The following NCOA2 variants were observed in gnomAD, a reference collection of about 807,000 sequenced individuals.
NCOA2 encodes class E basic helix-loop-helix protein 75.
A neutral mutation model predicts 145.1 loss-of-function variants in NCOA2; 21 were observed. That is an observed-to-expected ratio of 0.14 (90% confidence interval 0.10 to 0.21). The LOEUF is 0.21. Ranked by LOEUF, NCOA2 falls within the 10% of genes least tolerant of loss-of-function variation. NCOA2 has a pLI of 1.00. For missense variants in NCOA2, 1,472 were observed against 1,837.6 expected (o/e 0.80, Z 3.64); for synonymous variants, 619 against 637.5 (o/e 0.97, Z 0.44).
At chr8:70,132,593 C>T (rs1365270830) in intron 15 of NCOA2, among the ~76,000 whole-genome samples, 1 of 152,188 alleles carries the variant, frequency 6.6e-6, no homozygotes, top group Non-Finnish European at 1.5e-5. Context: ...GAGACAGGGT[C>T]TCACTTCATT....
intron 1 of NCOA2, among the ~76,000 whole-genome samples, chr8:70,369,400 A>T (rs1316548037): frequency 1.3e-5 from 2 of 152,212 alleles, no homozygotes; most frequent in African/African-American, 4.8e-5. Flanking sequence ...TAAAGTGTAT[A>T]TTCTTTTTAG....
chr8:70,314,730 G>C (rs945402373), intron 1 of NCOA2, among the ~76,000 whole-genome samples: 13 of 152,140 alleles, frequency 8.5e-5, no homozygotes, highest in African/African-American at 2.9e-4. Flanking sequence ...TGCTTTTTTA[G>C]AATATTAAAA....
intron 16 of NCOA2, among the ~76,000 whole-genome samples, 156 bp from the exon 17 acceptor site, chr8:70,129,136 A>G (rs1164143987): frequency 6.6e-6 from 1 of 152,078 alleles, no homozygotes; most frequent in Non-Finnish European, 1.5e-5. Context: ...GCTTGACTCC[A>G]CTTGTCTTTC....
chr8:70,312,642 A>G (rs570928384), intron 1 of NCOA2, among the ~76,000 whole-genome samples: 2 of 152,314 alleles, frequency 1.3e-5, no homozygotes, highest in East Asian at 1.9e-4. Context: ...CAAAATTATT[A>G]TAATTTTTCC....
At chr8:70,205,226 A>G (rs897697999) in intron 4 of NCOA2, among the ~76,000 whole-genome samples, 3 of 152,218 alleles carry the variant, frequency 2.0e-5, no homozygotes, top group Non-Finnish European at 4.4e-5. Flanking sequence ...GCAGTGTTTG[A>G]GATAGGCCTT....
At chr8:70,358,420 A>C (rs1809927802) in intron 1 of NCOA2, among the ~76,000 whole-genome samples, 1 of 152,236 alleles carries the variant, frequency 6.6e-6, no homozygotes, top group Non-Finnish European at 1.5e-5. Flanking sequence ...ACCCATATAA[A>C]AATCAGCGGA....
At chr8:70,159,243 T>TATATATATATATATA (rs869045939) in intron 10 of NCOA2, among the ~76,000 whole-genome samples, 29 of 82,030 alleles carry the variant, frequency 3.5e-4, no homozygotes, top group African/African-American at 8.5e-4. Flanking sequence ...TATATATATA[T>TATATATATATATATA]TTTTTTTTTT....
At chr8:70,201,990 T>C (rs1023939432) in intron 4 of NCOA2, among the ~76,000 whole-genome samples, 4 of 152,198 alleles carry the variant, frequency 2.6e-5, no homozygotes, top group Non-Finnish European at 5.9e-5. Flanking sequence ...GATTATTCAG[T>C]GATAAATATT....
rs59183624 is a variant in NCOA2, at chr8:70,394,585, T to A, written c.-77+9115A>T. ...ACACAAAATAAGTCTCAAAATAGAA[T>A]TACGGAAGTTGAAAATATATTGAGA... On this transcript the variant is annotated intron_variant, in intron 1 of 22. Coordinates refer to ENST00000452400, the MANE Select transcript of NCOA2 (RefSeq NM_006540.4). Among the ~76,000 whole-genome samples, 1,023 of 152,326 alleles carry A rather than the reference T, an allele frequency of 6.7e-3. 12 individuals are homozygous for A. Among genetic ancestry groups the A allele is most frequent in the Middle Eastern group, 0.024 (7 of 294 alleles).
At chr8:70,384,466 T>C (rs1812490193) in intron 1 of NCOA2, among the ~76,000 whole-genome samples, 1 of 152,200 alleles carries the variant, frequency 6.6e-6, no homozygotes, top group South Asian at 2.1e-4. Context: ...GGTTCCAACA[T>C]TGAGTTTAAT....
intron 2 of NCOA2, among the ~76,000 whole-genome samples, chr8:70,283,268 G>A (rs1202398757): frequency 6.6e-6 from 1 of 152,134 alleles, no homozygotes; most frequent in African/African-American, 2.4e-5. Flanking sequence ...TTGTTCTTAG[G>A]GACATTAGTT....
chr8:70,172,990 TTCTC>T (rs1288590048), intron 5 of NCOA2, among the ~76,000 whole-genome samples: 1 of 152,176 alleles, frequency 6.6e-6, no homozygotes, highest in Non-Finnish European at 1.5e-5. Flanking sequence ...TGAGAACATG[TTCTC>T]TCTGTTTAAG....
chr8:70,432,227 T>A, the NCOA2 span, among the ~76,000 whole-genome samples: 14,561 of 152,350 alleles, frequency 0.096, 951 homozygotes, highest in Middle Eastern at 0.21. Context: ...GTAGACAGTT[T>A]TGAAATGAAA....
the NCOA2 span, among the ~76,000 whole-genome samples, chr8:70,420,908 G>T: frequency 6.6e-6 from 1 of 152,158 alleles, no homozygotes; most frequent in Admixed American, 6.5e-5. Context: ...CTCCCAAAGT[G>T]CTGGGATTAC....
intron 1 of NCOA2, among the ~76,000 whole-genome samples, chr8:70,386,201 C>T (rs966389479): frequency 1.3e-5 from 2 of 152,210 alleles, no homozygotes; most frequent in Non-Finnish European, 2.9e-5. Context: ...AAATTACAAA[C>T]AGATTTCTAG....
rs16936771 is a variant in NCOA2 at position 70,154,166 on chromosome 8, C to T, written c.2394+1805G>A. Among the ~76,000 whole-genome samples the T allele has an allele frequency of 3.8e-3, 584 of 152,308 alleles. 9 individuals are homozygous for T. The highest frequency in any genetic ancestry group is 0.013 in the African/African-American group (561 of 41,566). ...TTTTCCTCTCTCCATCCATTGAAGA[C>T]ACTGACACATGAAATATCCTCTCGC... is the stretch of plus-strand genomic sequence containing the variant. On this transcript the variant is annotated intron_variant, in intron 11 of 22. Coordinates refer to ENST00000452400, the MANE Select transcript of NCOA2 (RefSeq NM_006540.4).
chr8:70,339,780 C>G (rs1157234483), intron 1 of NCOA2, among the ~76,000 whole-genome samples: 1 of 151,980 alleles, frequency 6.6e-6, no homozygotes, highest in Non-Finnish European at 1.5e-5. Context: ...AGTAATATAA[C>G]TGTTGCACAC....
intron 14 of NCOA2, among the ~76,000 whole-genome samples, chr8:70,139,322 G>A (rs992603278): frequency 1.3e-5 from 2 of 152,176 alleles, no homozygotes; most frequent in African/African-American, 4.8e-5. Context: ...TCAAGAGCCA[G>A]ATGCTCTTCA....
At chr8:70,162,606 C>T (rs904567766) in intron 9 of NCOA2, 105 bp downstream of exon 9, 40 of 1,217,382 alleles carry the variant, frequency 3.3e-5, no homozygotes, top group African/African-American at 1.1e-4. Context: ...AGACAGCTCA[C>T]GAGAACAGTC....
Sources: gnomAD v4.1 joint callset for allele counts (sites outside exome capture counted in the v4.1 genomes callset) on GRCh38, gnomAD v4.1.1 for gene constraint, MANE v1.5 for transcripts, NCBI Gene and HGNC (gene_info 2026-07-23, HGNC 2026-07-21) for gene names.